RAB31: variants seen among roughly 807,000 people sequenced by gnomAD.
The protein encoded by RAB31 is RAB31, member RAS oncogene family.
In RAB31, 21 loss-of-function variants were observed where a neutral mutation model predicts 25.6. That is an observed-to-expected ratio of 0.82 (90% CI 0.58 to 1.18). The LOEUF (loss-of-function observed/expected upper bound fraction) is 1.18, where lower values mean the gene tolerates loss of function less well. RAB31 is among the 50% of genes most tolerant of loss of function. The pLI is 0.00. For missense variants in RAB31, 196 were observed against 250.1 expected, an observed-to-expected ratio of 0.78 and a Z score of 1.46; for synonymous variants, 87 against 84.0, an observed-to-expected ratio of 1.04 and a Z score of -0.20.
At chr18:9,788,129 A>T (rs2068442882) in intron 2 of RAB31, among the ~76,000 whole-genome samples, 1 of 152,234 alleles carries the variant, frequency 6.6e-6, no homozygotes, top group Non-Finnish European at 1.5e-5. Flanking sequence ...ATGACTTTCA[A>T]CTTGAACTTT....
At chr18:9,777,218 A>G (rs1396142901) in intron 2 of RAB31, among the ~76,000 whole-genome samples, 1 of 152,118 alleles carries the variant, frequency 6.6e-6, no homozygotes, top group Non-Finnish European at 1.5e-5. Context: ...GCACGCGCCT[A>G]TAGTCCCAGC....
intron 1 of RAB31, among the ~76,000 whole-genome samples, chr18:9,770,421 G>A (rs1426283126): frequency 6.6e-6 from 1 of 152,178 alleles, no homozygotes; most frequent in African/African-American, 2.4e-5. Context: ...CCAAAACTTT[G>A]TGGTTCCTGA....
intron 1 of RAB31, among the ~76,000 whole-genome samples, chr18:9,731,223 A>G (rs549457740): frequency 2.0e-5 from 3 of 152,162 alleles, no homozygotes; most frequent in African/African-American, 7.2e-5. Context: ...GGGACTACAG[A>G]TATGTGCCCA....
intron 1 of RAB31, chr18:9,734,887 G>A: frequency 7.0e-6 from 2 of 285,076 alleles, no homozygotes; most frequent in South Asian, 3.6e-5. Flanking sequence ...CATCAGAATT[G>A]GGCCTTCATG....
At chr18:9,753,237 T>C (rs1388040063) in intron 1 of RAB31, among the ~76,000 whole-genome samples, 1 of 152,206 alleles carries the variant, frequency 6.6e-6, no homozygotes, top group Admixed American at 6.5e-5. Flanking sequence ...TCCCAGTATA[T>C]TGAGAGGTGG....
Position 9,802,298 on chromosome 18 carries a change from T to C in RAB31, c.201+10063T>C, listed in dbSNP as rs563698014. 6.6e-5 allele frequency among the ~76,000 whole-genome samples: 10 copies of C among 152,350 alleles called. No individual in the cohort carries two copies. The East Asian group carries it at 1.9e-3, about 29-fold the overall frequency. ...GCTCCTTAAACCTGTAAATTATCAA[T>C]GATAAGCAAGTTGCCAGCTGTCTTT... On this transcript the variant is annotated intron_variant, in intron 3 of 6. Transcript: ENST00000578921.
intron 2 of RAB31, among the ~76,000 whole-genome samples, chr18:9,777,253 A>C (rs1003475936): frequency 6.6e-6 from 1 of 152,218 alleles, no homozygotes; most frequent in African/African-American, 2.4e-5. Context: ...AGGCAAGAGA[A>C]GGTGGTGGTT....
intron 1 of RAB31, among the ~76,000 whole-genome samples, chr18:9,717,477 T>C (rs1227610982): frequency 6.6e-6 from 1 of 152,206 alleles, no homozygotes; most frequent in Non-Finnish European, 1.5e-5. Flanking sequence ...TCCCTTCTAT[T>C]TTCTCTTCTT....
chr18:9,714,697 A>G (rs2068035424), intron 1 of RAB31, among the ~76,000 whole-genome samples: 1 of 152,258 alleles, frequency 6.6e-6, no homozygotes, highest in African/African-American at 2.4e-5. Flanking sequence ...ATAGGTATTC[A>G]TTCATTCAGC....
chr18:9,755,049 G>A (rs1381723087), intron 1 of RAB31, among the ~76,000 whole-genome samples: 2 of 152,014 alleles, frequency 1.3e-5, no homozygotes, highest in Non-Finnish European at 2.9e-5. Flanking sequence ...TGTTTTCCCA[G>A]CCTGTTTTCC....
At chr18:9,809,184 G>C (rs1025101689) in intron 3 of RAB31, among the ~76,000 whole-genome samples, 2 of 152,172 alleles carry the variant, frequency 1.3e-5, no homozygotes, top group African/African-American at 4.8e-5. Context: ...GAGCTCTGGA[G>C]GGTTGTCACA....
intron 1 of RAB31, among the ~76,000 whole-genome samples, chr18:9,764,865 G>T (rs1490197903): frequency 6.6e-6 from 1 of 152,108 alleles, no homozygotes; most frequent in Non-Finnish European, 1.5e-5. Context: ...ATTTACTTCT[G>T]TAAGGAATAT....
At chr18:9,817,830 C>A (rs142597477) in intron 5 of RAB31, among the ~76,000 whole-genome samples, 2 of 152,298 alleles carry the variant, frequency 1.3e-5, no homozygotes, top group Non-Finnish European at 2.9e-5. Flanking sequence ...AGTGCCCCAG[C>A]TAACATAATC....
At chr18:9,740,812 G>A (rs1452297660) in intron 1 of RAB31, among the ~76,000 whole-genome samples, 3 of 152,162 alleles carry the variant, frequency 2.0e-5, no homozygotes, top group Non-Finnish European at 4.4e-5. Flanking sequence ...AGAATAAAGG[G>A]GGTAAACAGA....
chr18:9,860,138 C>T lies in RAB31; in HGVS notation c.*813C>T, dbSNP rs541537513. ...TGCATCTCCTCCGCAGGAATACATT[C>T]GTCCTCTCTTAGAGAAGTTTAACGC... On this transcript the variant is annotated 3_prime_UTR_variant, in exon 7 of 7. Coordinates refer to ENST00000578921, the MANE Select transcript of RAB31 (RefSeq NM_006868.4). 1.4e-4 allele frequency: 22 copies of T among 152,284 alleles called. No individual in the cohort carries two copies. Among genetic ancestry groups the T allele is most frequent in the African/African-American group, 5.1e-4 (21 of 41,554 alleles). 9.4% of individuals were successfully genotyped at this position (152,284 alleles called of 1,614,324 possible).
chr18:9,749,247 A>G (rs1397717221), intron 1 of RAB31, among the ~76,000 whole-genome samples: 1 of 152,224 alleles, frequency 6.6e-6, no homozygotes, highest in Non-Finnish European at 1.5e-5. Flanking sequence ...GTGTGCCAGC[A>G]CTGTTCTAAC....
At chr18:9,819,442 C>A (rs1418310840) in intron 5 of RAB31, among the ~76,000 whole-genome samples, 2 of 152,150 alleles carry the variant, frequency 1.3e-5, no homozygotes, top group Non-Finnish European at 2.9e-5. Flanking sequence ...TGTCCTGACA[C>A]CAGTGTTATA....
intron 3 of RAB31, among the ~76,000 whole-genome samples, chr18:9,807,496 C>G (rs2068547955): frequency 6.6e-6 from 1 of 152,150 alleles, no homozygotes; most frequent in South Asian, 2.1e-4. Flanking sequence ...GGGCATAGTT[C>G]TGGAGTTTTA....
intron 6 of RAB31, among the ~76,000 whole-genome samples, chr18:9,851,881 TATC>T (rs1468244417): frequency 6.6e-6 from 1 of 151,888 alleles, no homozygotes; most frequent in Non-Finnish European, 1.5e-5. Flanking sequence ...TCTATTTCAA[TATC>T]ATATTTCATA....
Sources: allele counts gnomAD v4.1 joint callset (sites outside exome capture counted in the v4.1 genomes callset), GRCh38; gene constraint gnomAD v4.1.1; transcripts MANE v1.5; gene names NCBI Gene and HGNC (gene_info 2026-07-23, HGNC 2026-07-21).